The following ERI3 variants were observed in gnomAD, a reference collection of about 807,000 sequenced individuals.
The protein encoded by ERI3 is ERI1 exoribonuclease 3.
ERI3 carries 18 observed loss-of-function variants against 44.4 expected under a neutral mutation model. The observed-to-expected ratio is 0.41, with a 90% CI of 0.28 to 0.60. The LOEUF (loss-of-function observed/expected upper bound fraction) is 0.60, where lower values mean the gene tolerates loss of function less well. Among genes scored for constraint, ERI3 ranks in the 20% least tolerant of loss-of-function variants. ERI3 has a pLI of 0.36. For missense variants in ERI3, 294 were observed against 435.5 expected (o/e 0.68, Z 2.89); for synonymous variants, 183 against 164.8 (o/e 1.11, Z -0.84).
intron 6 of ERI3, among the ~76,000 whole-genome samples, chr1:44,293,529 A>G (rs1645550793): frequency 6.6e-6 from 1 of 152,178 alleles, no homozygotes; most frequent in Admixed American, 6.5e-5. Context: ...GTTACAGGTC[A>G]TGCTTCCAGA....
chr1:44,308,080 C>T (rs1645877954), intron 6 of ERI3, among the ~76,000 whole-genome samples: 1 of 152,188 alleles, frequency 6.6e-6, no homozygotes, highest in Non-Finnish European at 1.5e-5. Context: ...AGCAGTGAGA[C>T]CTGGCAAAGG....
chr1:44,354,916 G>A lies in ERI3; in HGVS notation c.111C>T (p.Gly37=). The A allele has an allele frequency of 5.3e-6, 7 of 1,320,816 alleles. No homozygotes were observed. The highest frequency in any genetic ancestry group is 6.8e-6 in the Non-Finnish European group (7 of 1,026,312). The allele number at this position is 1,320,816 out of a possible 1,614,324, so 81.8% of individuals were successfully genotyped here. A position where few individuals can be genotyped will look rare whatever the true frequency, so the allele number is the denominator to read the frequency against. The change falls in exon 1 of 9, where the codon GGC becomes GGT. Residue 37 remains glycine (G), a synonymous_variant. Transcript: ENST00000372257. The part of the protein sequence containing the change: ...PPLTLPWTWM[G]PSWGQHPGHW... The stretch of plus-strand genomic sequence containing the variant: ...CCCCGGGGTGTTGCCCCCAACTCGG[G>A]CCCATCCAAGTCCAGGGGAGAGTAA...
rs763558651 is a variant in ERI3 at position 44,308,270 on chromosome 1, T to C, written c.758+40A>G. 2.0e-6 allele frequency: 3 copies of C among 1,469,538 alleles called. No individual in the cohort carries two copies. The South Asian group carries it at 3.4e-5, about 17-fold the overall frequency. 91.0% of individuals were successfully genotyped at this position (1,469,538 alleles called of 1,614,324 possible). On this transcript the variant is annotated intron_variant, in intron 6 of 8. Transcript: ENST00000372257. ...AAAAGGCCAGACCTGGTCCCACAGA[T>C]TCCAAGCCCTGCCAGCAAAGCAGCC...
intron 7 of ERI3, among the ~76,000 whole-genome samples, chr1:44,273,635 G>C (rs1248792340): frequency 2.0e-5 from 3 of 152,084 alleles, no homozygotes; most frequent in African/African-American, 7.2e-5. Context: ...CAGTATAGTG[G>C]GAAACAAAAA....
chr1:44,290,212 G>C (rs536283369), intron 6 of ERI3, among the ~76,000 whole-genome samples: 2 of 152,170 alleles, frequency 1.3e-5, no homozygotes, highest in East Asian at 3.9e-4. Flanking sequence ...CATACTGTTC[G>C]CCTGCAGGAG....
chr1:44,342,251 G>A (rs1326158780), intron 2 of ERI3, among the ~76,000 whole-genome samples: 1 of 152,176 alleles, frequency 6.6e-6, no homozygotes, highest in African/African-American at 2.4e-5. Context: ...GGGATGTGGA[G>A]AGCATCCATG....
At chr1:44,290,848 C>T (rs535175359) in intron 6 of ERI3, among the ~76,000 whole-genome samples, 1 of 152,162 alleles carries the variant, frequency 6.6e-6, no homozygotes, top group Non-Finnish European at 1.5e-5. Context: ...TCTCCTCCCC[C>T]ACTACGCAGG....
chr1:44,289,780 G>A (rs1480822060), intron 6 of ERI3, among the ~76,000 whole-genome samples: 2 of 152,264 alleles, frequency 1.3e-5, no homozygotes, highest in African/African-American at 4.8e-5. Flanking sequence ...CCTCGCTAAT[G>A]GGTATGGCCA....
rs965920862 is a variant in ERI3 at position 44,322,899 on chromosome 1, G to A, written c.490-3155C>T. ...AGATTTTTAGCTGATAATGATCAGA[G>A]ATGGAACCCCAACACTACAGGTTAG... is the stretch of plus-strand genomic sequence containing the variant. On this transcript the variant is annotated intron_variant, in intron 3 of 8. Transcript: ENST00000372257. 3.3e-6 allele frequency: 5 copies of A among 1,532,040 alleles called. No individual in the cohort carries two copies. In the African/African-American group the frequency reaches 4.1e-5, roughly 13 times the overall value. The allele number at this position is 1,532,040 out of a possible 1,614,324, so 94.9% of individuals were successfully genotyped here.
At chr1:44,277,093 G>A (rs748011103) in intron 7 of ERI3, among the ~76,000 whole-genome samples, 1 of 152,172 alleles carries the variant, frequency 6.6e-6, no homozygotes. Context: ...ATCAGCAAAT[G>A]ACTCATCTGT....
intron 7 of ERI3, among the ~76,000 whole-genome samples, chr1:44,259,397 C>G (rs1644842422): frequency 6.6e-6 from 1 of 152,104 alleles, no homozygotes; most frequent in South Asian, 2.1e-4. Flanking sequence ...CACAGAAAAT[C>G]AAGCATGAAA....
chr1:44,278,052 A>G (rs1380103918), intron 7 of ERI3, among the ~76,000 whole-genome samples: 1 of 152,202 alleles, frequency 6.6e-6, no homozygotes, highest in Non-Finnish European at 1.5e-5. Context: ...TAGTATATCC[A>G]AGTATTATTT....
At chr1:44,229,613 C>T (rs1644128396) in intron 8 of ERI3, among the ~76,000 whole-genome samples, 1 of 152,144 alleles carries the variant, frequency 6.6e-6, no homozygotes. Context: ...AATGAAAAAC[C>T]ATCCGTCACC....
intron 8 of ERI3, among the ~76,000 whole-genome samples, chr1:44,229,977 A>G (rs1406381303): frequency 6.6e-6 from 1 of 152,104 alleles, no homozygotes; most frequent in Non-Finnish European, 1.5e-5. Flanking sequence ...AGCCCCATGG[A>G]CCACTCACGC....
chr1:44,328,287 C>T (rs1015365126), intron 3 of ERI3, among the ~76,000 whole-genome samples: 3 of 142,426 alleles, frequency 2.1e-5, no homozygotes, highest in Non-Finnish European at 4.5e-5. Context: ...CCCACATCTC[C>T]GTAAGCAGGC....
intron 7 of ERI3, among the ~76,000 whole-genome samples, chr1:44,248,702 A>AGAGTGTGTGT (rs1553183708): frequency 3.9e-3 from 573 of 148,466 alleles, no homozygotes; most frequent in Non-Finnish European, 5.9e-3. Flanking sequence ...TGTGAGAGAG[A>AGAGTGTGTGT]GTGTGTGTGT....
chr1:44,344,741 T>A (rs183328380), intron 2 of ERI3, among the ~76,000 whole-genome samples: 1 of 152,364 alleles, frequency 6.6e-6, no homozygotes, highest in African/African-American at 2.4e-5. Context: ...GCAAACTATC[T>A]TTCATCAGAG....
chr1:44,347,281 T>C (rs1456761852), intron 2 of ERI3, among the ~76,000 whole-genome samples: 2 of 152,212 alleles, frequency 1.3e-5, no homozygotes, highest in Non-Finnish European at 2.9e-5. Context: ...TTTTTTTATA[T>C]TTAAAAAGAA....
At chr1:44,290,288 A>C (rs1645478361) in intron 6 of ERI3, among the ~76,000 whole-genome samples, 1 of 152,150 alleles carries the variant, frequency 6.6e-6, no homozygotes, top group Non-Finnish European at 1.5e-5. Flanking sequence ...TCTTCTTCAA[A>C]GTCATCATGG....
Sources: gnomAD v4.1 joint callset for allele counts (sites outside exome capture counted in the v4.1 genomes callset) on GRCh38, gnomAD v4.1.1 for gene constraint, MANE v1.5 for transcripts, NCBI Gene and HGNC (gene_info 2026-07-23, HGNC 2026-07-21) for gene names.